Variants in SPTA1 observed in about 807,000 individuals in gnomAD.
SPTA1 encodes spectrin alpha, erythrocytic 1.
Under a neutral mutation model 324.7 loss-of-function variants are expected in SPTA1, and 177 were observed. The ratio of observed to expected loss-of-function variants is 0.55; its 90% CI spans 0.48 to 0.62. The LOEUF (loss-of-function observed/expected upper bound fraction) is 0.62. SPTA1 is among the 20% of genes least tolerant of loss of function. The pLI is 0.00. For missense variants in SPTA1, 3,162 were observed against 2,883.6 expected, an observed-to-expected ratio of 1.10 and a Z score of -2.21; for synonymous variants, 1,195 against 1,041.3, an observed-to-expected ratio of 1.15 and a Z score of -2.84.
chr1:158,645,390 G>A lies in SPTA1; in HGVS notation c.3997-5C>T, dbSNP rs374510886. On this transcript the variant is annotated splice_region_variant and splice_polypyrimidine_tract_variant and intron_variant, in intron 28 of 51. Coordinates refer to ENST00000643759, the MANE Select transcript of SPTA1 (RefSeq NM_003126.4). ...CTCCATGTCAGCACGGTGCTCCTGT[G>A]GGAAAAAGGGGGAAGAAATCAGTGA... 1.4e-5 allele frequency: 23 copies of A among 1,613,664 alleles called. No individual in the cohort carries two copies. Among genetic ancestry groups the A allele is most frequent in the Non-Finnish European group, 1.9e-5 (23 of 1,179,892 alleles).
At chr1:158,641,716 T>A (rs111637702) in intron 33 of SPTA1, among the ~76,000 whole-genome samples, 8,081 of 152,264 alleles carry the variant, frequency 0.053, 486 homozygotes, top group African/African-American at 0.15. Context: ...CTGGTGGGAC[T>A]GTAAACTGGT....
intron 27 of SPTA1, 123 bp downstream of exon 27, chr1:158,647,416 C>T: frequency 1.6e-6 from 2 of 1,237,730 alleles, no homozygotes; most frequent in Middle Eastern, 2.8e-4. Flanking sequence ...TTATGCCTTG[C>T]AAGAGGTGAG....
chr1:158,643,448 GC>G (rs1381697167), intron 30 of SPTA1, 23 bp from the exon 31 acceptor site: 1 of 1,606,612 alleles, frequency 6.2e-7, no homozygotes, highest in Non-Finnish European at 8.5e-7. Flanking sequence ...AAAGGAAAGA[GC>G]CCAGATGCTT....
At chr1:158,671,794 C>A (rs1654046786) in intron 11 of SPTA1, among the ~76,000 whole-genome samples, 1 of 152,298 alleles carries the variant, frequency 6.6e-6, no homozygotes, top group Non-Finnish European at 1.5e-5. Context: ...TGACCCTTTA[C>A]CAATTTGATA....
intron 18 of SPTA1, among the ~76,000 whole-genome samples, chr1:158,660,460 T>C (rs531507798): frequency 6.6e-6 from 1 of 152,184 alleles, no homozygotes; most frequent in East Asian, 1.9e-4. Context: ...TTTAACTTCA[T>C]CAAAAAGACA....
At chr1:158,626,644 C>CTTTGTGTGTGTGTG (rs1462859801) in intron 41 of SPTA1, among the ~76,000 whole-genome samples, 195 bp downstream of exon 41, 2 of 151,802 alleles carry the variant, frequency 1.3e-5, no homozygotes, top group African/African-American at 4.8e-5. Flanking sequence ...CTCTTTCTCA[C>CTTTGTGTGTGTGTG]TTTGTGTGTG....
In SPTA1 at chr1:158,610,960, G is replaced by T. The variant is rs757145948; in HGVS notation, c.*304C>A. On this transcript the variant is annotated 3_prime_UTR_variant, in exon 52 of 52. Transcript: ENST00000643759. ...TTCTATAATCGGAATAAAGCAAAAT[G>T]ATAAAGACGTGCAAAACAGAACAAA... 3.5e-6 allele frequency: 1 copy of T among 285,960 alleles called. No homozygotes were observed. The highest frequency in any genetic ancestry group is 6.8e-6 in the Non-Finnish European group (1 of 147,962). The allele number at this position is 285,960 out of a possible 1,614,324, so 17.7% of individuals were successfully genotyped here.
At chr1:158,640,079 T>C (rs952814078) in intron 33 of SPTA1, 72 bp from the exon 34 acceptor site, 2 of 1,607,792 alleles carry the variant, frequency 1.2e-6, no homozygotes, top group Non-Finnish European at 1.7e-6. Context: ...GAGAGAATAA[T>C]GTAGGAAGGC....
chr1:158,641,216 A>G (rs984598743), intron 33 of SPTA1, among the ~76,000 whole-genome samples: 93 of 152,230 alleles, frequency 6.1e-4, no homozygotes, highest in Middle Eastern at 6.8e-3. Context: ...CTAGAAGAAA[A>G]CCTAGGCAAT....
At chr1:158,666,265 C>T (rs1047649399) in intron 16 of SPTA1, 51 bp downstream of exon 16, 3 of 1,595,994 alleles carry the variant, frequency 1.9e-6, no homozygotes, top group Admixed American at 1.7e-5. Flanking sequence ...CGAGTGTGCT[C>T]AGAGCATATA....
chr1:158,613,676 A>G (rs754158877), intron 50 of SPTA1, 45 bp downstream of exon 50: 9 of 1,612,902 alleles, frequency 5.6e-6, no homozygotes, highest in Non-Finnish European at 7.6e-6. Flanking sequence ...TTCTCCCTCC[A>G]AACCCCCATC....
intron 43 of SPTA1, among the ~76,000 whole-genome samples, chr1:158,622,148 G>A (rs1266378955): frequency 2.0e-5 from 3 of 152,190 alleles, no homozygotes; most frequent in Non-Finnish European, 4.4e-5. Flanking sequence ...ATAGGCGTGA[G>A]CCACTGCACC....
Position 158,617,982 on chromosome 1 carries a change from C to T in SPTA1, c.6548+57G>A, listed in dbSNP as rs79660690. Reference sequence around the variant, plus strand: ...TGTCTCAGCACTAACTCTTTCTTAACGAATTCTTCCATAATAATATAATAA... The same window carrying T: ...TGTCTCAGCACTAACTCTTTCTTAATGAATTCTTCCATAATAATATAATAA... On this transcript the variant is annotated intron_variant, in intron 46 of 51. Transcript: ENST00000643759. 36,368 of 1,512,154 alleles carry T rather than the reference C, an allele frequency of 0.024. 1,257 individuals carry two copies. Among genetic ancestry groups the T allele is most frequent in the African/African-American group, 0.15 (10,647 of 72,962 alleles). 93.7% of individuals were successfully genotyped at this position (1,512,154 alleles called of 1,614,324 possible).
At position 158,669,710 on chromosome 1, in the gene SPTA1, C is replaced by T. The variant is rs1249533222; in HGVS notation, c.1676G>A (p.Gly559Glu). 6 of 1,614,094 alleles carry T rather than the reference C, an allele frequency of 3.7e-6. No individual in the cohort carries two copies. Among genetic ancestry groups the T allele is most frequent in the Non-Finnish European group, 5.1e-6 (6 of 1,179,998 alleles). Reference protein sequence around the residue: ...DSENIKAIRDGLLARRDALRE... With the variant: ...DSENIKAIRDELLARRDALRE... ...GAAGCTCTAGGCCCTTGGACATACC[C>T]CGTCACGGATAGCCTTGATGTTCTC... The change falls in exon 13 of 52, where the codon GGG (glycine) becomes GAG (glutamate). Residue 559 changes from glycine (G) to glutamate (E), a missense_variant and splice_region_variant. Transcript: ENST00000643759.
chr1:158,650,071 A>C (rs1652310181), intron 24 of SPTA1, 124 bp from the exon 25 acceptor site: 2 of 762,172 alleles, frequency 2.6e-6, no homozygotes, highest in South Asian at 3.1e-5. Context: ...GAAATTGCAT[A>C]GCTTTGCTTC....
At position 158,683,356 on chromosome 1, in the gene SPTA1, G is replaced by A; in HGVS notation, c.390+15C>T. 2 of 1,612,840 alleles carry A rather than the reference G, an allele frequency of 1.2e-6. No individual in the cohort carries two copies. The highest frequency in any genetic ancestry group is 1.7e-6 in the Non-Finnish European group (2 of 1,179,206). On this transcript the variant is annotated intron_variant, in intron 3 of 51. Transcript: ENST00000643759. ...ATCAATAATTGGAAACTTCTTCAAG[G>A]GCCCATACATATACCTTCGTTTCTT...
chr1:158,644,389 T>C lies in SPTA1; in HGVS notation c.4202A>G (p.Gln1401Arg). The change falls in exon 30 of 52, where the codon CAG becomes CGG. Residue 1401 changes from glutamine to arginine, a missense_variant. Coordinates refer to ENST00000643759, the MANE Select transcript of SPTA1 (RefSeq NM_003126.4). ...LDQCLELQMF[Q>R]GNCDQVESWM... is the part of the protein sequence containing the mutation. ...GCTCTCAACTTGATCACAGTTCCCC[T>C]GGAACATCTATGAGGAATCAAATGA... 6.2e-7 allele frequency: 1 copy of C among 1,613,762 alleles called. No individual in the cohort carries two copies. Among genetic ancestry groups the C allele is most frequent in the Non-Finnish European group, 8.5e-7 (1 of 1,179,816 alleles).
intron 36 of SPTA1, 140 bp downstream of exon 36, chr1:158,637,893 A>T (rs756637623): frequency 9.5e-6 from 10 of 1,050,558 alleles, no homozygotes; most frequent in Non-Finnish European, 1.5e-5. Flanking sequence ...ACCAATGTTA[A>T]CCTTAAGCTG....
intron 30 of SPTA1, 138 bp downstream of exon 30, chr1:158,644,112 GGGT>G: frequency 8.7e-7 from 1 of 1,145,374 alleles, no homozygotes; most frequent in East Asian, 2.7e-5. Flanking sequence ...ACTCCAGCCT[GGGT>G]GACAGAATGA....
Sources: allele counts gnomAD v4.1 joint callset (sites outside exome capture counted in the v4.1 genomes callset), GRCh38; gene constraint gnomAD v4.1.1; transcripts MANE v1.5; gene names NCBI Gene and HGNC (gene_info 2026-07-23, HGNC 2026-07-21).